The following KIFC3 variants were observed in gnomAD, a reference collection of about 807,000 sequenced individuals.
KIFC3 encodes kinesin family member C3, also known as kinesin-like protein KIFC3.
KIFC3 carries 60 observed loss-of-function variants against 101.8 expected under a neutral mutation model. The observed-to-expected ratio is 0.59, with a 90% CI of 0.48 to 0.73. KIFC3 has a LOEUF of 0.73. KIFC3 is among the 30% of genes least tolerant of loss of function. KIFC3 has a pLI of 0.00. For missense variants in KIFC3, 966 were observed against 1,137.1 expected, an observed-to-expected ratio of 0.85 and a Z score of 2.16; for synonymous variants, 476 against 482.7, an observed-to-expected ratio of 0.99 and a Z score of 0.18.
At chr16:57,844,160 C>T (rs1266097624) in intron 1 of KIFC3, among the ~76,000 whole-genome samples, 1 of 145,902 alleles carries the variant, frequency 6.9e-6, no homozygotes, top group Non-Finnish European at 1.5e-5. Flanking sequence ...AGGCTGGACG[C>T]GGTGGCTCAT....
At chr16:57,823,501 C>T (rs1312282046) in intron 1 of KIFC3, among the ~76,000 whole-genome samples, 1 of 152,164 alleles carries the variant, frequency 6.6e-6, no homozygotes, top group Non-Finnish European at 1.5e-5. Context: ...GTCTCAGATA[C>T]TTTGGGTTCA....
At chr16:57,812,345 C>T (rs1272406796) in intron 1 of KIFC3, among the ~76,000 whole-genome samples, 1 of 100,380 alleles carries the variant, frequency 1.0e-5, no homozygotes, top group Non-Finnish European at 2.2e-5. Context: ...CCCAGCCCCC[C>T]ATCTCTTAAA....
At chr16:57,839,836 C>A (rs1315518750) in intron 1 of KIFC3, among the ~76,000 whole-genome samples, 2 of 152,108 alleles carry the variant, frequency 1.3e-5, no homozygotes, top group Non-Finnish European at 2.9e-5. Flanking sequence ...TTCCATCATT[C>A]TTGAGCAACT....
intron 1 of KIFC3, among the ~76,000 whole-genome samples, chr16:57,814,111 C>T (rs2055160618): frequency 1.3e-5 from 2 of 152,178 alleles, no homozygotes; most frequent in Admixed American, 1.3e-4. Flanking sequence ...CAGAGCTCTT[C>T]ACCATCTGCC....
intron 1 of KIFC3, among the ~76,000 whole-genome samples, chr16:57,850,353 T>C (rs1490458436): frequency 2.0e-5 from 3 of 149,980 alleles, no homozygotes; most frequent in African/African-American, 7.4e-5. Flanking sequence ...CAGTGAGCCA[T>C]GATTGAGCCA....
upstream of KIFC3, among the ~76,000 whole-genome samples, chr16:57,806,881 C>T (rs894469175): frequency 6.6e-6 from 1 of 152,236 alleles, no homozygotes; most frequent in African/African-American, 2.4e-5. Flanking sequence ...ATCTTCCAAT[C>T]TTCCAATCCC....
chr16:57,764,260 T>C lies in KIFC3; in HGVS notation c.1513-13A>G. ...CCTCCTGGAACACCTGGGAGGGTGG[T>C]GGGAGGGAGGCTGGTGGGGGGGCTT... On this transcript the variant is annotated splice_polypyrimidine_tract_variant and intron_variant, in intron 11 of 19. Transcript: ENST00000445690. The C allele has an allele frequency of 1.8e-6, 1 of 568,600 alleles. No individual in the cohort carries two copies. Among genetic ancestry groups the C allele is most frequent in the Non-Finnish European group, 3.3e-6 (1 of 301,642 alleles). 35.2% of individuals were successfully genotyped at this position (568,600 alleles called of 1,614,324 possible). A position where few individuals can be genotyped will look rare whatever the true frequency, so the allele number is the denominator to read the frequency against.
At chr16:57,797,749 C>T (rs2054454358) in intron 2 of KIFC3, 1 of 1,258,698 alleles carries the variant, frequency 7.9e-7, no homozygotes, top group African/African-American at 1.6e-5. Context: ...CCCACACGCT[C>T]TTGGCCAAGG....
intron 1 of KIFC3, among the ~76,000 whole-genome samples, chr16:57,857,100 A>T (rs990547073): frequency 1.1e-4 from 17 of 152,188 alleles, no homozygotes; most frequent in African/African-American, 4.1e-4. Flanking sequence ...CACCTGCAAA[A>T]GATACAGCAG....
chr16:57,784,069 C>A (rs2053052865), intron 3 of KIFC3, among the ~76,000 whole-genome samples: 3 of 152,244 alleles, frequency 2.0e-5, no homozygotes, highest in African/African-American at 2.4e-5. Context: ...TGTGCCCATC[C>A]CAGTGAGCCC....
chr16:57,785,991 G>T (rs1555617556), intron 3 of KIFC3, among the ~76,000 whole-genome samples: 1 of 152,196 alleles, frequency 6.6e-6, no homozygotes, highest in Non-Finnish European at 1.5e-5. Flanking sequence ...CAGGCTGCAA[G>T]GAATCGCAGC....
chr16:57,828,431 G>A (rs543301196), intron 1 of KIFC3, among the ~76,000 whole-genome samples: 24 of 152,356 alleles, frequency 1.6e-4, no homozygotes, highest in African/African-American at 5.8e-4. Context: ...ATGAGGAAAT[G>A]GTGTGAGTGG....
At chr16:57,830,343 T>C (rs1331252255) in intron 1 of KIFC3, among the ~76,000 whole-genome samples, 1 of 148,912 alleles carries the variant, frequency 6.7e-6, no homozygotes, top group East Asian at 2.1e-4. Context: ...GTTCCAGCAA[T>C]TCTCCTGCCT....
chr16:57,832,670 C>A (rs1209894277), intron 1 of KIFC3, among the ~76,000 whole-genome samples: 1 of 151,866 alleles, frequency 6.6e-6, no homozygotes, highest in Admixed American at 6.6e-5. Context: ...ACACACACAC[C>A]CTTTTCAGGT....
At chr16:57,802,595 G>A (rs2054814198), upstream of KIFC3, 1 of 985,212 alleles carries the variant, frequency 1.0e-6, no homozygotes, top group African/African-American at 1.8e-5. The surrounding 1 kb of genome is among the most constrained non-coding windows in gnomAD (Gnocchi z 5.0). Context: ...CCGCACTCAC[G>A]CGCACTGGCG....
intron 3 of KIFC3, among the ~76,000 whole-genome samples, chr16:57,787,687 A>ACAAT (rs1484640118): frequency 2.0e-5 from 3 of 152,102 alleles, no homozygotes; most frequent in African/African-American, 7.2e-5. Flanking sequence ...TTCTCAGCGC[A>ACAAT]CAATCAGCAA....
At position 57,802,470 on chromosome 16, in the gene KIFC3, C is replaced by T; in HGVS notation, c.-140G>A. ...CAGCTCCACGCCGCCGCCTCCTCCT[C>T]GGCCAGCCCGCTCGCGCCCCTCCCG... On this transcript the variant is annotated 5_prime_UTR_variant, in exon 1 of 20. Coordinates refer to ENST00000445690, the MANE Select transcript of KIFC3 (RefSeq NM_001130100.2). The surrounding 1 kb of genome is among the most constrained non-coding windows in gnomAD (Gnocchi z 5.0). 2 of 983,364 alleles carry T rather than the reference C, an allele frequency of 2.0e-6. No homozygotes were observed. Among genetic ancestry groups the T allele is most frequent in the Non-Finnish European group, 2.4e-6 (2 of 829,142 alleles). 60.9% of individuals were successfully genotyped at this position (983,364 alleles called of 1,614,324 possible).
chr16:57,848,116 TTTTTAAATAC>T (rs1309161059), intron 1 of KIFC3, among the ~76,000 whole-genome samples: 4 of 152,186 alleles, frequency 2.6e-5, no homozygotes, highest in African/African-American at 9.7e-5. Flanking sequence ...TGCAAAACAA[TTTTTAAATAC>T]TTTTAAATAC....
At chr16:57,805,745 G>A (rs902261353), upstream of KIFC3, among the ~76,000 whole-genome samples, 121 of 149,044 alleles carry the variant, frequency 8.1e-4, no homozygotes, top group African/African-American at 2.4e-3. Context: ...GCGCAATCTC[G>A]GCTCACTGAA....
Sources: gnomAD v4.1 joint callset for allele counts (sites outside exome capture counted in the v4.1 genomes callset) on GRCh38, gnomAD v4.1.1 for gene constraint, Gnocchi (gnomAD v3.1) non-coding constraint, MANE v1.5 for transcripts, NCBI Gene and HGNC (gene_info 2026-07-23, HGNC 2026-07-21) for gene names.